SEM1: variants seen among roughly 807,000 people sequenced by gnomAD.
SEM1 encodes SEM1 26S proteasome subunit, also known as 26S proteasome complex subunit SEM1.
A neutral mutation model predicts 12.7 loss-of-function variants in SEM1; 3 were observed. The observed-to-expected ratio is 0.24, with a 90% confidence interval of 0.11 to 0.61. The LOEUF (loss-of-function observed/expected upper bound fraction) is 0.61. SEM1 is among the 20% of genes least tolerant of loss of function. SEM1 has a pLI of 0.88. For missense variants in SEM1, 59 were observed against 81.3 expected, an observed-to-expected ratio of 0.73 and a Z score of 1.06; for synonymous variants, 30 against 27.8, an observed-to-expected ratio of 1.08 and a Z score of -0.25.
chr7:96,534,004 C>T (rs578016075), intron 2 of SEM1, among the ~76,000 whole-genome samples: 6 of 151,990 alleles, frequency 3.9e-5, no homozygotes, highest in African/African-American at 7.2e-5. Flanking sequence ...GAGAGGTATA[C>T]GTAAAGCACT....
rs541666157 is a variant in SEM1 at position 96,579,494 on chromosome 7, A to C, written c.171-72796T>G. Among the ~76,000 whole-genome samples the C allele has an allele frequency of 2.6e-5, 4 of 152,340 alleles. No homozygotes were observed. The South Asian group carries it at 8.3e-4, about 32-fold the overall frequency. On this transcript the variant is annotated intron_variant and NMD_transcript_variant, in intron 2 of 3. Coordinates refer to the SEM1 transcript ENST00000466986. ...ATTAGAATGTAAAGCTACTTCCTAA[A>C]GTATCTACATATGATGACCAGATTT...
At chr7:96,491,777 T>G (rs1803018295) in intron 1 of SEM1, among the ~76,000 whole-genome samples, 1 of 152,206 alleles carries the variant, frequency 6.6e-6, no homozygotes, top group South Asian at 2.1e-4. Context: ...ATATCTGAAG[T>G]CTAATTCTGT....
intron 2 of SEM1, among the ~76,000 whole-genome samples, chr7:96,587,495 A>C (rs1436791546): frequency 6.6e-6 from 1 of 152,008 alleles, no homozygotes; most frequent in African/African-American, 2.4e-5. Context: ...CCATGTTGGG[A>C]ATATTTCCCC....
At chr7:96,573,949 A>T (rs920017664) in intron 2 of SEM1, among the ~76,000 whole-genome samples, 10 of 149,114 alleles carry the variant, frequency 6.7e-5, no homozygotes, top group African/African-American at 2.5e-4. Context: ...AATATTTTTT[A>T]TTATACTTTA....
chr7:96,632,784 GTTTT>G (rs11296451), intron 2 of SEM1, among the ~76,000 whole-genome samples: 1 of 110,186 alleles, frequency 9.1e-6, no homozygotes. Context: ...GTTGTTTTTT[GTTTT>G]TTTTTTTTTT....
intron 2 of SEM1, among the ~76,000 whole-genome samples, chr7:96,543,629 G>C (rs1443259776): frequency 6.6e-6 from 1 of 151,912 alleles, no homozygotes; most frequent in African/African-American, 2.4e-5. Context: ...AAATATAGTA[G>C]TTTATGTATC....
chr7:96,509,507 C>T (rs1248257557), intron 2 of SEM1, among the ~76,000 whole-genome samples: 1 of 152,104 alleles, frequency 6.6e-6, no homozygotes. Flanking sequence ...GAAGAACAAA[C>T]TCTACAGCTT....
chr7:96,644,300 A>C (rs1808715654), intron 2 of SEM1, among the ~76,000 whole-genome samples: 1 of 152,116 alleles, frequency 6.6e-6, no homozygotes, highest in African/African-American at 2.4e-5. Flanking sequence ...GAATGCAAAC[A>C]ATCAGAAGTT....
intron 2 of SEM1, among the ~76,000 whole-genome samples, chr7:96,566,180 G>A (rs1805838733): frequency 6.6e-6 from 1 of 151,548 alleles, no homozygotes; most frequent in Non-Finnish European, 1.5e-5. Context: ...AGTATAATAT[G>A]CCGTAAAAAG....
chr7:96,489,186 C>A (rs3924206), intron 1 of SEM1, among the ~76,000 whole-genome samples: 41,996 of 152,002 alleles, frequency 0.28, 7,247 homozygotes, highest in Non-Finnish European at 0.39. Flanking sequence ...CATGAACACT[C>A]CTCCCTTACT....
chr7:96,549,023 A>C (rs566938068), intron 2 of SEM1, among the ~76,000 whole-genome samples: 8 of 152,274 alleles, frequency 5.3e-5, no homozygotes, highest in Non-Finnish European at 2.9e-5. Flanking sequence ...TCTAGGGAAG[A>C]AGTGGCAGCT....
At chr7:96,588,512 C>T (rs1806729195) in intron 2 of SEM1, among the ~76,000 whole-genome samples, 2 of 152,022 alleles carry the variant, frequency 1.3e-5, no homozygotes, top group African/African-American at 4.8e-5. Context: ...AAGCTCATTT[C>T]ATCATAATGA....
chr7:96,561,304 T>C (rs772959813), intron 2 of SEM1, among the ~76,000 whole-genome samples: 2 of 152,080 alleles, frequency 1.3e-5, no homozygotes, highest in Non-Finnish European at 2.9e-5. Flanking sequence ...GGGGTGAGGG[T>C]TGAAATGCCA....
rs758051732 is a variant in SEM1 at position 96,709,782 on chromosome 7, A to G, written c.-19T>C. The G allele has an allele frequency of 4.3e-6, 7 of 1,613,000 alleles. No individual in the cohort carries two copies. The highest frequency in any genetic ancestry group is 3.3e-5 in the Admixed American group (2 of 59,960). ...CTGACATCTCGACTGTCCGCGCCCA[A>G]CACCTCCCAGATAAGCAGAAAAGTT... is the stretch of plus-strand genomic sequence containing the variant. On this transcript the variant is annotated 5_prime_UTR_variant, in exon 1 of 3. Coordinates refer to ENST00000248566, the MANE Select transcript of SEM1 (RefSeq NM_006304.2).
At chr7:96,567,550 T>A (rs1439414116) in intron 2 of SEM1, among the ~76,000 whole-genome samples, 2 of 151,518 alleles carry the variant, frequency 1.3e-5, no homozygotes, top group Non-Finnish European at 3.0e-5. Flanking sequence ...TGAGAAGTAA[T>A]CATTGTAATG....
intron 1 of SEM1, among the ~76,000 whole-genome samples, chr7:96,699,822 T>C (rs187502189): frequency 2.0e-5 from 3 of 152,294 alleles, no homozygotes; most frequent in East Asian, 1.9e-4. Flanking sequence ...TATGGTTTAA[T>C]TGGTGGTAGG....
At chr7:96,500,834 C>T (rs1387190214), upstream of SEM1, among the ~76,000 whole-genome samples, 1 of 152,096 alleles carries the variant, frequency 6.6e-6, no homozygotes, top group East Asian at 1.9e-4. Flanking sequence ...TCACTCCTTC[C>T]AGGTCCCTGC....
At chr7:96,643,574 G>C (rs966153357) in intron 2 of SEM1, among the ~76,000 whole-genome samples, 2 of 151,962 alleles carry the variant, frequency 1.3e-5, no homozygotes, top group Non-Finnish European at 2.9e-5. Context: ...ATTAATGATA[G>C]ACTGGCTAAA....
chr7:96,673,026 A>C (rs370291068), downstream of SEM1: 1 of 25,326 alleles, frequency 3.9e-5, no homozygotes, highest in African/African-American at 1.2e-4. Context: ...ATAGTATATA[A>C]AATTAATTGT....
Sources: allele counts gnomAD v4.1 joint callset (sites outside exome capture counted in the v4.1 genomes callset), GRCh38; gene constraint gnomAD v4.1.1; transcripts MANE v1.5; gene names NCBI Gene and HGNC (gene_info 2026-07-23, HGNC 2026-07-21).